Variants in RTN4RL1 observed in about 807,000 individuals in gnomAD.
The protein encoded by RTN4RL1 is reticulon-4 receptor-like 1.
In RTN4RL1, 7 loss-of-function variants were observed where a neutral mutation model predicts 25.6. The observed-to-expected ratio is 0.27, with a 90% CI of 0.16 to 0.51. The LOEUF is 0.51. Ranked by LOEUF, RTN4RL1 falls within the 20% of genes least tolerant of loss-of-function variation. RTN4RL1 has a pLI of 0.97. For synonymous variants in RTN4RL1, 297 were observed against 288.2 expected (o/e 1.03, Z -0.31); for missense variants, 500 against 615.6 (o/e 0.81, Z 1.99).
chr17:1,944,437 A>T (rs1915495883), intron 1 of RTN4RL1, among the ~76,000 whole-genome samples: 1 of 151,838 alleles, frequency 6.6e-6, no homozygotes, highest in Non-Finnish European at 1.5e-5. Context: ...CAGCGCCTTC[A>T]TTTCAGCTTC....
chr17:1,955,623 G>A (rs180979713), intron 1 of RTN4RL1, among the ~76,000 whole-genome samples: 42 of 150,788 alleles, frequency 2.8e-4, no homozygotes, highest in African/African-American at 9.5e-4. Flanking sequence ...TCACTCTGTC[G>A]CCCAGGCTGG....
At chr17:1,937,864 C>T in intron 1 of RTN4RL1, 56 bp from the exon 2 acceptor site, 1 of 1,359,496 alleles carries the variant, frequency 7.4e-7, no homozygotes, top group South Asian at 1.3e-5. Context: ...AGGACTGGCA[C>T]CGCACCCTCC....
chr17:2,004,692 G>A (rs2151323689), intron 1 of RTN4RL1, among the ~76,000 whole-genome samples: 1 of 152,338 alleles, frequency 6.6e-6, no homozygotes, highest in East Asian at 1.9e-4. Context: ...AGGGCAGAGG[G>A]TTCAGGACAG....
intron 1 of RTN4RL1, among the ~76,000 whole-genome samples, chr17:1,992,480 T>TG (rs1461038432): frequency 6.6e-6 from 1 of 152,116 alleles, no homozygotes; most frequent in African/African-American, 2.4e-5. Flanking sequence ...CTCCCCCAGT[T>TG]GGGGCTAAGA....
At chr17:1,983,836 C>T (rs1056870292) in intron 1 of RTN4RL1, among the ~76,000 whole-genome samples, 6 of 152,182 alleles carry the variant, frequency 3.9e-5, no homozygotes, top group Admixed American at 6.5e-5. Flanking sequence ...GCCACGGCGC[C>T]GGGTCCTGAA....
intron 1 of RTN4RL1, among the ~76,000 whole-genome samples, chr17:1,951,152 C>G (rs1475859439): frequency 1.3e-5 from 2 of 151,716 alleles, no homozygotes; most frequent in East Asian, 2.0e-4. Context: ...GTAGTCCCAG[C>G]TACTCGGGAG....
chr17:1,998,589 G>A lies in RTN4RL1; in HGVS notation c.13+26264C>T, dbSNP rs1440493573. On this transcript the variant is annotated intron_variant, in intron 1 of 1. Coordinates refer to ENST00000331238, the MANE Select transcript of RTN4RL1 (RefSeq NM_178568.4). This position sits in a 1 kb window ranked among gnomAD's most constrained non-coding sequence, Gnocchi z 4.9. ...CTGCCCCCACTTTACAGACGTGAAC[G>A]CTGAGGCGGAGGGTGGGGGACGTGG... is the stretch of plus-strand genomic sequence containing the variant. Among the ~76,000 whole-genome samples, 1 of 152,108 alleles carries A rather than the reference G, an allele frequency of 6.6e-6. No individual in the cohort carries two copies. Among genetic ancestry groups the A allele is most frequent in the African/African-American group, 2.4e-5 (1 of 41,442 alleles).
chr17:1,971,029 T>C lies in RTN4RL1; in HGVS notation c.14-33221A>G, dbSNP rs918526001. Among the ~76,000 whole-genome samples, 3 of 152,166 alleles carry C rather than the reference T, an allele frequency of 2.0e-5. No individual in the cohort carries two copies. In the East Asian group the frequency reaches 5.8e-4, roughly 29 times the overall value. Reference sequence around the variant, plus strand: ...TGACTGTGAAGGCACATTGTGTACATTACCCGACCTCTTACCCCAAACATC... The same window carrying C: ...TGACTGTGAAGGCACATTGTGTACACTACCCGACCTCTTACCCCAAACATC... On this transcript the variant is annotated intron_variant, in intron 1 of 1. Transcript: ENST00000331238.
chr17:1,984,283 G>A (rs1027944951), intron 1 of RTN4RL1, among the ~76,000 whole-genome samples: 4 of 152,238 alleles, frequency 2.6e-5, no homozygotes, highest in Admixed American at 6.5e-5. Flanking sequence ...AGTCAAGGCC[G>A]CTGCTCTGCT....
intron 1 of RTN4RL1, among the ~76,000 whole-genome samples, chr17:2,009,199 C>T (rs1263739512): frequency 2.6e-5 from 4 of 152,172 alleles, no homozygotes. Context: ...GTGGCTCACA[C>T]CTGTAATCCC....
chr17:2,013,631 C>CTTGGGGT (rs1567528138), intron 1 of RTN4RL1, among the ~76,000 whole-genome samples: 6 of 136,016 alleles, frequency 4.4e-5, no homozygotes, highest in African/African-American at 1.7e-4. Flanking sequence ...CTCCCTCACC[C>CTTGGGGT]TGGAACATAA....
At chr17:1,949,093 A>G (rs1915623924) in intron 1 of RTN4RL1, among the ~76,000 whole-genome samples, 1 of 152,004 alleles carries the variant, frequency 6.6e-6, no homozygotes, top group Non-Finnish European at 1.5e-5. Context: ...AGTAGCTGGG[A>G]CTACAGGCGC....
In RTN4RL1 at chr17:2,009,418, C is replaced by G. The variant is rs1205487316; in HGVS notation, c.13+15435G>C. ...GACCAGCCTGGCCAACATGGTGAAT[C>G]CCATCTCTACTAAAAACACAAAAAT... is the stretch of plus-strand genomic sequence containing the variant. On this transcript the variant is annotated intron_variant, in intron 1 of 1. Coordinates refer to ENST00000331238, the MANE Select transcript of RTN4RL1 (RefSeq NM_178568.4). 2.1e-5 allele frequency among the ~76,000 whole-genome samples: 3 copies of G among 145,118 alleles called. 1 individual carries two copies. Among genetic ancestry groups the G allele is most frequent in the African/African-American group, 7.6e-5 (3 of 39,294 alleles).
rs1456618720 is a variant in RTN4RL1, at chr17:2,013,664, G to A, written c.13+11189C>T. On this transcript the variant is annotated intron_variant, in intron 1 of 1. Transcript: ENST00000331238. ...TAAATACCCCAGCTCTCTCACCCTG[G>A]AACATAAATACCCCAGCTGTCTCAC... Among the ~76,000 whole-genome samples the A allele has an allele frequency of 1.7e-5, 2 of 117,534 alleles. 1 individual carries two copies. The highest frequency in any genetic ancestry group is 6.5e-4 in the South Asian group (2 of 3,080). The allele number at this position is 117,534 out of a possible 152,430, so 77.1% of individuals were successfully genotyped here. A position where few individuals can be genotyped will look rare whatever the true frequency, so the allele number is the denominator to read the frequency against.
At chr17:1,947,477 G>A (rs2151306394) in intron 1 of RTN4RL1, among the ~76,000 whole-genome samples, 1 of 152,306 alleles carries the variant, frequency 6.6e-6, no homozygotes, top group East Asian at 1.9e-4. Flanking sequence ...CACTGGCTCT[G>A]GTTTGCCTTC....
chr17:1,949,612 A>G (rs1387629263), intron 1 of RTN4RL1, among the ~76,000 whole-genome samples: 2 of 152,162 alleles, frequency 1.3e-5, no homozygotes, highest in Non-Finnish European at 2.9e-5. Flanking sequence ...GATCCTGTCC[A>G]TCACCCGGTT....
rs1428350710 is a variant in RTN4RL1, at chr17:1,998,866, C to A, written c.13+25987G>T. On this transcript the variant is annotated intron_variant, in intron 1 of 1. Transcript: ENST00000331238. The surrounding 1 kb of genome is among the most constrained non-coding windows in gnomAD (Gnocchi z 4.9). ...ACTTTCCCGGCAGCCGAAGACGACC[C>A]CGGAGCCCCTTTATTCTCTACGCGC... 6.6e-6 allele frequency among the ~76,000 whole-genome samples: 1 copy of A among 151,864 alleles called. No homozygotes were observed. Among genetic ancestry groups the A allele is most frequent in the African/African-American group, 2.4e-5 (1 of 41,188 alleles).
intron 1 of RTN4RL1, among the ~76,000 whole-genome samples, chr17:1,999,256 G>A (rs1456454987): frequency 6.6e-6 from 1 of 151,644 alleles, no homozygotes; most frequent in African/African-American, 2.4e-5. Context: ...GACCATCCTG[G>A]CCAACATGGT....
At chr17:1,980,727 A>C (rs1179272295) in intron 1 of RTN4RL1, among the ~76,000 whole-genome samples, 1 of 151,816 alleles carries the variant, frequency 6.6e-6, no homozygotes, top group Non-Finnish European at 1.5e-5. Context: ...CAGGAGTTCA[A>C]GACCAGCCTG....
Sources: gnomAD v4.1 joint callset for allele counts (sites outside exome capture counted in the v4.1 genomes callset) on GRCh38, gnomAD v4.1.1 for gene constraint, Gnocchi (gnomAD v3.1) non-coding constraint, MANE v1.5 for transcripts, NCBI Gene and HGNC (gene_info 2026-07-23, HGNC 2026-07-21) for gene names.